The following CNTN1 variants were observed in gnomAD, a reference collection of about 807,000 sequenced individuals.
CNTN1 encodes contactin 1, also known as contactin-1.
A neutral mutation model predicts 126.4 loss-of-function variants in CNTN1; 38 were observed. That is an observed-to-expected ratio of 0.30 (90% CI 0.23 to 0.39). The LOEUF (loss-of-function observed/expected upper bound fraction) is 0.39. CNTN1 is among the 10% of genes least tolerant of loss of function. CNTN1 has a pLI of 1.00. For synonymous variants in CNTN1, 413 were observed against 422.6 expected (o/e 0.98, Z 0.28); for missense variants, 1,009 against 1,248.4 (o/e 0.81, Z 2.89).
intron 23 of CNTN1, among the ~76,000 whole-genome samples, chr12:41,058,482 A>C (rs1402843579): frequency 6.6e-6 from 1 of 152,156 alleles, no homozygotes; most frequent in African/African-American, 2.4e-5. Context: ...AATGTAAACA[A>C]AATGGTTTCT....
chr12:41,030,183 GA>G (rs1949119431), intron 23 of CNTN1, among the ~76,000 whole-genome samples: 1 of 150,884 alleles, frequency 6.6e-6, no homozygotes, highest in Non-Finnish European at 1.5e-5. Flanking sequence ...TAAATTTTAA[GA>G]AAACTAAAAA....
intron 1 of CNTN1, among the ~76,000 whole-genome samples, chr12:40,748,800 C>T (rs763115629): frequency 6.6e-6 from 1 of 151,750 alleles, no homozygotes; most frequent in Non-Finnish European, 1.5e-5. Flanking sequence ...GATTACTATG[C>T]TTAAAAAAAT....
chr12:40,869,524 C>T (rs1470627285), intron 1 of CNTN1, among the ~76,000 whole-genome samples: 2 of 152,114 alleles, frequency 1.3e-5, no homozygotes, highest in Admixed American at 6.6e-5. Context: ...CCCACTTCAG[C>T]CTCCCAAAGT....
chr12:40,813,058 T>TCTTC (rs1208093195), intron 1 of CNTN1, among the ~76,000 whole-genome samples: 1,544 of 104,630 alleles, frequency 0.015, 56 homozygotes, highest in African/African-American at 0.048. Flanking sequence ...TTTCTTTCTT[T>TCTTC]CTTCCTTCCT....
chr12:40,862,391 C>G (rs1051725934), intron 1 of CNTN1, among the ~76,000 whole-genome samples: 1 of 152,186 alleles, frequency 6.6e-6, no homozygotes, highest in Non-Finnish European at 1.5e-5. Flanking sequence ...TTTCACATTT[C>G]TTAAAATGTG....
chr12:40,780,768 G>A (rs2136449068), intron 1 of CNTN1, among the ~76,000 whole-genome samples: 1 of 149,288 alleles, frequency 6.7e-6, no homozygotes, highest in Non-Finnish European at 1.5e-5. Context: ...CCTTTAAGGA[G>A]AGGTTAAGGC....
chr12:40,907,986 T>C (rs1479340234), intron 1 of CNTN1, among the ~76,000 whole-genome samples: 1 of 152,166 alleles, frequency 6.6e-6, no homozygotes, highest in African/African-American at 2.4e-5. Flanking sequence ...GTGAATGATA[T>C]CAAAATGTTT....
At chr12:40,987,745 GTAAAT>G (rs1011544907) in intron 16 of CNTN1, among the ~76,000 whole-genome samples, 1 of 151,996 alleles carries the variant, frequency 6.6e-6, no homozygotes, top group African/African-American at 2.4e-5. Context: ...ATAGATATTT[GTAAAT>G]TAAATTGTTG....
intron 1 of CNTN1, among the ~76,000 whole-genome samples, chr12:40,878,372 C>T (rs1943752530): frequency 6.7e-6 from 1 of 149,700 alleles, no homozygotes; most frequent in Non-Finnish European, 1.5e-5. Flanking sequence ...CATAAAATTA[C>T]TAAACATATA....
chr12:41,014,573 T>C (rs1361002009), intron 18 of CNTN1, among the ~76,000 whole-genome samples: 3 of 152,214 alleles, frequency 2.0e-5, no homozygotes, highest in Non-Finnish European at 4.4e-5. Flanking sequence ...GATACTTTGA[T>C]CATTGTAGTC....
At chr12:40,920,332 G>T (rs913599059) in intron 4 of CNTN1, among the ~76,000 whole-genome samples, 1 of 138,864 alleles carries the variant, frequency 7.2e-6, no homozygotes, top group Non-Finnish European at 1.6e-5. Flanking sequence ...ACAATAAAAA[G>T]CAAAGCTTTG....
At chr12:40,805,061 A>G (rs1270755219) in intron 1 of CNTN1, among the ~76,000 whole-genome samples, 2 of 152,010 alleles carry the variant, frequency 1.3e-5, no homozygotes, top group Non-Finnish European at 2.9e-5. Flanking sequence ...ACAATTTTCC[A>G]TATTCTCACT....
At chr12:41,002,651 G>A (rs756789387) in intron 17 of CNTN1, among the ~76,000 whole-genome samples, 15 of 147,238 alleles carry the variant, frequency 1.0e-4, no homozygotes, top group Admixed American at 5.5e-4. Flanking sequence ...TCTGCCTCCC[G>A]GTTTAACGCC....
chr12:40,911,084 T>A (rs960169357), intron 3 of CNTN1, among the ~76,000 whole-genome samples: 2 of 152,062 alleles, frequency 1.3e-5, no homozygotes, highest in African/African-American at 4.8e-5. Context: ...TTAATTTATT[T>A]ATTTATTTAT....
chr12:40,751,651 G>A (rs183448304), intron 1 of CNTN1, among the ~76,000 whole-genome samples: 183 of 152,116 alleles, frequency 1.2e-3, no homozygotes, highest in African/African-American at 4.4e-3. Flanking sequence ...CAAGGATTTT[G>A]TAAAGAAACA....
chr12:40,969,546 T>C (rs1349234443), intron 15 of CNTN1, among the ~76,000 whole-genome samples: 1 of 152,328 alleles, frequency 6.6e-6, no homozygotes, highest in East Asian at 1.9e-4. Context: ...CATGTTTAAC[T>C]GTACACTATA....
At chr12:40,992,763 T>A (rs191873834) in intron 16 of CNTN1, among the ~76,000 whole-genome samples, 16 of 152,298 alleles carry the variant, frequency 1.1e-4, no homozygotes, top group Non-Finnish European at 2.2e-4. Context: ...TGTACCTTTA[T>A]CTCAGGAAAT....
intron 15 of CNTN1, among the ~76,000 whole-genome samples, chr12:40,964,869 G>A (rs531395048): frequency 3.3e-5 from 5 of 152,178 alleles, no homozygotes; most frequent in African/African-American, 1.2e-4. Flanking sequence ...GTTGCCTAAA[G>A]GTCTTTTCTA....
intron 1 of CNTN1, among the ~76,000 whole-genome samples, chr12:40,851,167 G>A (rs1168428719): frequency 6.6e-6 from 1 of 152,086 alleles, no homozygotes; most frequent in Admixed American, 6.6e-5. Context: ...TTGGGACTCT[G>A]GATTAAAGGT....
Sources: gnomAD v4.1 joint callset for allele counts (sites outside exome capture counted in the v4.1 genomes callset) on GRCh38, gnomAD v4.1.1 for gene constraint, MANE v1.5 for transcripts, NCBI Gene and HGNC (gene_info 2026-07-23, HGNC 2026-07-21) for gene names.